EPM2A: variants seen among roughly 807,000 people sequenced by gnomAD.
The protein encoded by EPM2A is EPM2A glucan phosphatase, laforin.
A neutral mutation model predicts 26.5 loss-of-function variants in EPM2A; 21 were observed. The ratio of observed to expected loss-of-function variants is 0.79; its 90% CI spans 0.56 to 1.14. The LOEUF (loss-of-function observed/expected upper bound fraction) is 1.14. EPM2A is among the 50% of genes most tolerant of loss of function. The probability of loss-of-function intolerance (pLI) is 0.00; values close to 1 mark genes in which losing one functional copy is unlikely to be tolerated. For missense variants in EPM2A, 458 were observed against 440.8 expected, an observed-to-expected ratio of 1.04 and a Z score of -0.35; for synonymous variants, 217 against 177.6, an observed-to-expected ratio of 1.22 and a Z score of -1.76.
chr6:145,461,017 CAAATACTTT>C (rs1391459646), intron 4 of EPM2A, among the ~76,000 whole-genome samples: 1 of 152,128 alleles, frequency 6.6e-6, no homozygotes, highest in Non-Finnish European at 1.5e-5. Flanking sequence ...AATTAGCAAT[CAAATACTTT>C]GACTGAATTA....
rs116569957 is a variant in EPM2A, at chr6:145,726,961, C to T, written c.301+8237G>A. Among the ~76,000 whole-genome samples the T allele has an allele frequency of 2.5e-3, 385 of 152,208 alleles. 5 individuals carry two copies. The highest frequency in any genetic ancestry group is 8.8e-3 in the African/African-American group (367 of 41,558). On this transcript the variant is annotated intron_variant, in intron 1 of 3. Transcript: ENST00000367519. ...TATAAAATATTAACAACAGAGGAAA[C>T]TGGGTAAGGAGTATATAAGAACACT...
intron 1 of EPM2A, among the ~76,000 whole-genome samples, chr6:145,718,303 G>C (rs6935787): frequency 6.9e-6 from 1 of 145,032 alleles, no homozygotes; most frequent in Non-Finnish European, 1.5e-5. Context: ...AGAGGCCTCA[G>C]AAATAACGCC....
intron 2 of EPM2A, chr6:145,670,912 G>C: frequency 1.0e-6 from 1 of 985,200 alleles, no homozygotes; most frequent in Middle Eastern, 5.2e-4. Context: ...TCATTCCCCA[G>C]TCAGAAGAAT....
At chr6:145,726,883 TTAA>T (rs1450275256) in intron 1 of EPM2A, among the ~76,000 whole-genome samples, 4 of 152,124 alleles carry the variant, frequency 2.6e-5, no homozygotes, top group Non-Finnish European at 5.9e-5. Context: ...TGGATCCTAG[TTAA>T]TAATCATGTA....
chr6:145,568,624 G>A (rs1203957269), intron 2 of EPM2A, among the ~76,000 whole-genome samples: 1 of 152,108 alleles, frequency 6.6e-6, no homozygotes, highest in Non-Finnish European at 1.5e-5. Context: ...CGCCCGGCCT[G>A]GAATATGTGA....
intron 2 of EPM2A, among the ~76,000 whole-genome samples, chr6:145,541,050 C>T (rs1366235689): frequency 2.0e-5 from 3 of 152,116 alleles, no homozygotes; most frequent in Non-Finnish European, 4.4e-5. Context: ...CATACATGCA[C>T]GCATTCCATT....
chr6:145,604,307 G>A (rs543411315), intron 2 of EPM2A, among the ~76,000 whole-genome samples: 12 of 152,194 alleles, frequency 7.9e-5, no homozygotes, highest in African/African-American at 2.6e-4. Flanking sequence ...ACAAAGATCT[G>A]AAGGTTTCTT....
rs1047151062 is a variant in EPM2A at position 145,531,684 on chromosome 6, A to T, written c.341-29109T>A. Among the ~76,000 whole-genome samples, 8 of 152,206 alleles carry T rather than the reference A, an allele frequency of 5.3e-5. 1 individual carries two copies. The South Asian group carries it at 8.3e-4, about 16-fold the overall frequency. On this transcript the variant is annotated intron_variant, in intron 2 of 3. Transcript: ENST00000450221. ...GCTAAGACCCAACCCGGTACCATAAATGAAGGAACTGACCCTGCAGGACCT... is the reference window on the plus strand; with the variant it reads ...GCTAAGACCCAACCCGGTACCATAATTGAAGGAACTGACCCTGCAGGACCT...
At chr6:145,548,156 T>C (rs1179806079) in intron 2 of EPM2A, among the ~76,000 whole-genome samples, 1 of 152,128 alleles carries the variant, frequency 6.6e-6, no homozygotes, top group Non-Finnish European at 1.5e-5. Context: ...GGAGCTGGAA[T>C]GGTCATTCAT....
At chr6:145,706,651 T>C (rs897287964) in intron 1 of EPM2A, among the ~76,000 whole-genome samples, 7 of 152,124 alleles carry the variant, frequency 4.6e-5, no homozygotes, top group Admixed American at 2.0e-4. Flanking sequence ...CACATAGAGA[T>C]TAAAATAATA....
intron 2 of EPM2A, among the ~76,000 whole-genome samples, chr6:145,534,834 T>C (rs1780408909): frequency 6.6e-6 from 1 of 152,222 alleles, no homozygotes; most frequent in South Asian, 2.1e-4. Flanking sequence ...ACTCTGAGAC[T>C]AAAAGGCACA....
intron 2 of EPM2A, among the ~76,000 whole-genome samples, chr6:145,586,128 G>A (rs909703448): frequency 8.5e-5 from 13 of 152,262 alleles, no homozygotes; most frequent in Admixed American, 7.2e-4. Flanking sequence ...CTACCTTCCC[G>A]GGTTACAGCC....
At chr6:145,547,354 G>T (rs552129234) in intron 2 of EPM2A, among the ~76,000 whole-genome samples, 48 of 151,998 alleles carry the variant, frequency 3.2e-4, no homozygotes, top group African/African-American at 1.1e-3. Context: ...ACTTCTCCTG[G>T]GTTTTCCAGT....
At chr6:145,450,937 C>A (rs1038958495) in intron 4 of EPM2A, among the ~76,000 whole-genome samples, 1 of 151,752 alleles carries the variant, frequency 6.6e-6, no homozygotes, top group Non-Finnish European at 1.5e-5. Context: ...CCATTCCTTG[C>A]AAGCTTAGGA....
chr6:145,522,197 C>G (rs1373874949), intron 2 of EPM2A, among the ~76,000 whole-genome samples: 1 of 152,298 alleles, frequency 6.6e-6, no homozygotes, highest in Admixed American at 6.5e-5. Flanking sequence ...CGTGATCCGC[C>G]TGCCTCAGCC....
intron 2 of EPM2A, among the ~76,000 whole-genome samples, chr6:145,553,827 TTA>T (rs1248186136): frequency 2.7e-5 from 4 of 147,638 alleles, no homozygotes; most frequent in East Asian, 2.0e-4. Context: ...AGTATATATA[TTA>T]TATATATAGT....
intron 4 of EPM2A, among the ~76,000 whole-genome samples, chr6:145,488,526 A>T (rs594506): frequency 0.34 from 42,843 of 124,704 alleles, 6,489 homozygotes; most frequent in Middle Eastern, 0.41. Flanking sequence ...TGTGTGTGAG[A>T]GAGAGAGAGA....
chr6:145,546,936 A>G (rs368887100), intron 2 of EPM2A, among the ~76,000 whole-genome samples: 1 of 152,030 alleles, frequency 6.6e-6, no homozygotes, highest in South Asian at 2.1e-4. Context: ...TGTGTAGGTC[A>G]ATAGTTTAAT....
At chr6:145,564,632 T>C (rs1456450234) in intron 2 of EPM2A, among the ~76,000 whole-genome samples, 1 of 152,238 alleles carries the variant, frequency 6.6e-6, no homozygotes, top group Non-Finnish European at 1.5e-5. Flanking sequence ...TTTTGGTTTA[T>C]GTATAAATTA....
Sources: allele counts gnomAD v4.1 joint callset (sites outside exome capture counted in the v4.1 genomes callset), GRCh38; gene constraint gnomAD v4.1.1; transcripts MANE v1.5; gene names NCBI Gene and HGNC (gene_info 2026-07-23, HGNC 2026-07-21).